The following MATCAP2 variants were observed in gnomAD, a reference collection of about 807,000 sequenced individuals.
MATCAP2 encodes the protein putative tyrosine carboxypeptidase MATCAP2.
At chr7:36,352,412 A>AG in the MATCAP2 span, among the ~76,000 whole-genome samples, 1 of 151,706 alleles carries the variant, frequency 6.6e-6, no homozygotes, top group East Asian at 1.9e-4. Context: ...AAAAAAAAAA[A>AG]AAAAAAAGAA....
At chr7:36,377,661 G>A in the MATCAP2 span, among the ~76,000 whole-genome samples, 1 of 152,166 alleles carries the variant, frequency 6.6e-6, no homozygotes, top group Non-Finnish European at 1.5e-5. Flanking sequence ...TTGCTAGGTT[G>A]GGGAAGTTCT....
chr7:36,337,278 A>G, the MATCAP2 span, among the ~76,000 whole-genome samples: 2 of 152,072 alleles, frequency 1.3e-5, no homozygotes, highest in Non-Finnish European at 2.9e-5. Flanking sequence ...GCAAAGGAAT[A>G]AGAAAGTTGA....
the MATCAP2 span, among the ~76,000 whole-genome samples, chr7:36,386,103 C>T: frequency 2.0e-3 from 299 of 150,620 alleles, 1 homozygote; most frequent in African/African-American, 6.9e-3. Context: ...TGTAGTCAGC[C>T]GAGATCAGGC....
chr7:36,337,095 T>A, the MATCAP2 span, among the ~76,000 whole-genome samples: 3 of 2,722 alleles, frequency 1.1e-3, no homozygotes, highest in African/African-American at 1.9e-3. Context: ...TGAAACTCCA[T>A]CTCAAAAAAA....
chr7:36,361,491 C>T, the MATCAP2 span, among the ~76,000 whole-genome samples: 1 of 152,096 alleles, frequency 6.6e-6, no homozygotes, highest in Non-Finnish European at 1.5e-5. Context: ...AATTTTATAC[C>T]ACAAAACAAT....
chr7:36,353,254 G>A, the MATCAP2 span, among the ~76,000 whole-genome samples: 1 of 152,072 alleles, frequency 6.6e-6, no homozygotes, highest in Non-Finnish European at 1.5e-5. Flanking sequence ...TCTCCAGCCT[G>A]GGCGACAGAG....
At chr7:36,381,698 T>C in the MATCAP2 span, among the ~76,000 whole-genome samples, 2 of 146,924 alleles carry the variant, frequency 1.4e-5, no homozygotes, top group African/African-American at 5.0e-5. Context: ...ATGAAGGAGA[T>C]TGTGGTCCCG....
the MATCAP2 span, among the ~76,000 whole-genome samples, chr7:36,364,619 A>G: frequency 6.6e-6 from 1 of 152,196 alleles, no homozygotes; most frequent in African/African-American, 2.4e-5. Context: ...CATTTCCATC[A>G]GTACTCTTAC....
the MATCAP2 span, chr7:36,390,196 C>T: frequency 3.8e-6 from 5 of 1,318,064 alleles, no homozygotes; most frequent in South Asian, 2.6e-5. Context: ...GCCGCGGCTG[C>T]GGCCTGCTGT....
At chr7:36,383,762 T>C in the MATCAP2 span, 3 of 751,386 alleles carry the variant, frequency 4.0e-6, no homozygotes, top group South Asian at 5.3e-5. Flanking sequence ...TGTATGCCTA[T>C]GTAACAAACC....
chr7:36,357,647 A>C, the MATCAP2 span: 11 of 1,291,596 alleles, frequency 8.5e-6, no homozygotes, highest in Non-Finnish European at 1.1e-5. Flanking sequence ...AGATGAAGCA[A>C]ACTGTTTATT....
At chr7:36,376,518 G>A in the MATCAP2 span, among the ~76,000 whole-genome samples, 4 of 152,162 alleles carry the variant, frequency 2.6e-5, no homozygotes, top group African/African-American at 9.7e-5. Context: ...CAACTGTGTC[G>A]TCAATTTTGG....
At chr7:36,356,756 C>A in the MATCAP2 span, 1 of 711,242 alleles carries the variant, frequency 1.4e-6, no homozygotes, top group South Asian at 1.7e-5. Context: ...CTCGTCTTGT[C>A]GCACATTTAC....
At chr7:36,357,186 C>T in the MATCAP2 span, 765 of 1,614,166 alleles carry the variant, frequency 4.7e-4, 2 homozygotes, top group African/African-American at 8.4e-3. Context: ...AGTACTATGC[C>T]ATTCCCTGTA....
the MATCAP2 span, among the ~76,000 whole-genome samples, chr7:36,383,650 C>G: frequency 6.6e-6 from 1 of 152,062 alleles, no homozygotes; most frequent in African/African-American, 2.4e-5. Flanking sequence ...ACATCACACA[C>G]CAGGGTCTGT....
At chr7:36,356,795 T>A in the MATCAP2 span, 1 of 973,076 alleles carries the variant, frequency 1.0e-6, no homozygotes, top group Non-Finnish European at 1.6e-6. Context: ...AACCATAACA[T>A]AGAAATAATT....
the MATCAP2 span, among the ~76,000 whole-genome samples, chr7:36,364,415 T>C: frequency 6.6e-5 from 10 of 152,100 alleles, no homozygotes; most frequent in East Asian, 1.3e-3. Context: ...TAAAAGGCCA[T>C]GAGAAGTCAA....
the MATCAP2 span, among the ~76,000 whole-genome samples, chr7:36,352,162 G>A: frequency 5.9e-5 from 9 of 151,762 alleles, no homozygotes; most frequent in African/African-American, 2.2e-4. Context: ...TTGGGAGGCC[G>A]AGGTGGGTGG....
the MATCAP2 span, among the ~76,000 whole-genome samples, chr7:36,366,204 C>T: frequency 6.6e-6 from 1 of 152,200 alleles, no homozygotes; most frequent in East Asian, 1.9e-4. Context: ...GAAATGTTTG[C>T]GTACAGAATC....
Sources: allele counts gnomAD v4.1 joint callset (sites outside exome capture counted in the v4.1 genomes callset), GRCh38; gene constraint gnomAD v4.1.1; transcripts MANE v1.5; gene names NCBI Gene and HGNC (gene_info 2026-07-23, HGNC 2026-07-21).